HEPH: variants seen among roughly 807,000 people sequenced by gnomAD.
The protein encoded by HEPH is hephaestin.
HEPH carries 69 observed loss-of-function variants against 80.8 expected under a neutral mutation model. That is an observed-to-expected ratio of 0.85 (90% CI 0.70 to 1.04). The LOEUF is 1.04. Among genes scored for constraint, HEPH ranks in the 50% least tolerant of loss-of-function variants. The probability of loss-of-function intolerance (pLI) is 0.00; values close to 1 mark genes in which losing one functional copy is unlikely to be tolerated. For missense variants in HEPH, 1,115 were observed against 891.3 expected (o/e 1.25, Z -3.20); for synonymous variants, 431 against 322.8 (o/e 1.34, Z -3.60).
chrX:66,191,306 G>A (rs991682910), intron 6 of HEPH, among the ~76,000 whole-genome samples: 1 of 111,724 alleles, frequency 9.0e-6, no homozygotes, highest in Non-Finnish European at 1.9e-5. Context: ...GATAACATAT[G>A]TACTCCCTGG....
intron 15 of HEPH, among the ~76,000 whole-genome samples, chrX:66,252,047 G>A (rs1014004260): frequency 4.5e-5 from 5 of 111,712 alleles, no homozygotes; most frequent in East Asian, 2.8e-4. Context: ...AGATAATAGC[G>A]CAGACTATGG....
intron 15 of HEPH, among the ~76,000 whole-genome samples, chrX:66,254,350 A>G (rs2091102547): frequency 9.0e-6 from 1 of 111,393 alleles, no homozygotes; most frequent in Non-Finnish European, 1.9e-5. Flanking sequence ...GAAGAAGTAA[A>G]GATTAAAGTT....
At chrX:66,246,430 T>C (rs2090809545) in intron 15 of HEPH, among the ~76,000 whole-genome samples, 1 of 111,496 alleles carries the variant, frequency 9.0e-6, no homozygotes, top group Admixed American at 9.5e-5. Flanking sequence ...TAGAGCAATC[T>C]TACTCCTTCT....
chrX:66,229,041 T>A lies in HEPH; in HGVS notation c.2563+20795T>A, dbSNP rs182911286. Among the ~76,000 whole-genome samples, 226 of 112,097 alleles carry A rather than the reference T, an allele frequency of 2.0e-3. 1 individual carries two copies. Among genetic ancestry groups the A allele is most frequent in the African/African-American group, 7.1e-3 (218 of 30,911 alleles). ...ATTCCACTCCTGCGTATCTACCCAG[T>A]GAAAAGAAGTCATTATACGAAAAAA... is the stretch of plus-strand genomic sequence containing the variant. On this transcript the variant is annotated intron_variant, in intron 15 of 20. Transcript: ENST00000343002.
chrX:66,214,067 T>C (rs2089279587), intron 15 of HEPH, among the ~76,000 whole-genome samples: 1 of 112,190 alleles, frequency 8.9e-6, no homozygotes, highest in Admixed American at 9.4e-5. Context: ...TGCAACTGGG[T>C]AAACTGGATA....
intron 15 of HEPH, among the ~76,000 whole-genome samples, chrX:66,215,585 A>G (rs960441012): frequency 8.9e-6 from 1 of 112,178 alleles, no homozygotes; most frequent in Non-Finnish European, 1.9e-5. Flanking sequence ...GTAGAAGAAT[A>G]ATTTTAAAAC....
At chrX:66,230,237 C>T (rs1163211054) in intron 15 of HEPH, among the ~76,000 whole-genome samples, 10 of 91,200 alleles carry the variant, frequency 1.1e-4, no homozygotes, top group African/African-American at 3.6e-4. Flanking sequence ...AATAAACATA[C>T]GTGTGCATGT....
At chrX:66,236,817 G>C (rs1343775892) in intron 15 of HEPH, among the ~76,000 whole-genome samples, 2 of 111,207 alleles carry the variant, frequency 1.8e-5, no homozygotes, top group Admixed American at 9.6e-5. Context: ...GGCCTGTTCA[G>C]AAATTTAATT....
At chrX:66,203,794 C>T (rs1311435355) in intron 13 of HEPH, among the ~76,000 whole-genome samples, 3 of 111,193 alleles carry the variant, frequency 2.7e-5, no homozygotes, top group Non-Finnish European at 5.7e-5. Context: ...CACCTTCACC[C>T]TCTTAATCTT....
intron 15 of HEPH, among the ~76,000 whole-genome samples, chrX:66,242,432 C>A (rs751335153): frequency 9.0e-6 from 1 of 111,487 alleles, no homozygotes; most frequent in African/African-American, 3.3e-5. Flanking sequence ...AAACCTAGGA[C>A]ATATCATTAT....
chrX:66,241,941 C>A (rs1454845068), intron 15 of HEPH, among the ~76,000 whole-genome samples: 1 of 109,825 alleles, frequency 9.1e-6, no homozygotes. Context: ...CCATACCACC[C>A]AAAACAATTT....
At chrX:66,244,893 TG>T (rs200711061) in intron 15 of HEPH, among the ~76,000 whole-genome samples, 567 of 103,029 alleles carry the variant, frequency 5.5e-3, no homozygotes, top group Non-Finnish European at 8.7e-3. Context: ...TTCAGTAGAA[TG>T]TTTTTTTTTT....
intron 15 of HEPH, among the ~76,000 whole-genome samples, chrX:66,222,556 A>G (rs7066319): frequency 0.099 from 11,019 of 111,564 alleles, 1,290 homozygotes; most frequent in African/African-American, 0.34. Flanking sequence ...TGAATGTATG[A>G]TTTTGGGAAA....
chrX:66,163,730 A>T (rs2086255184), upstream of HEPH, among the ~76,000 whole-genome samples: 1 of 111,675 alleles, frequency 9.0e-6, no homozygotes, highest in Admixed American at 9.5e-5. Context: ...TAAGTGTGTG[A>T]CCTTGGACAA....
intron 15 of HEPH, among the ~76,000 whole-genome samples, chrX:66,210,503 T>C (rs1311264693): frequency 9.0e-6 from 1 of 111,216 alleles, no homozygotes; most frequent in Non-Finnish European, 1.9e-5. Flanking sequence ...GGCTAGAGTG[T>C]TGGATAAATC....
intron 15 of HEPH, among the ~76,000 whole-genome samples, chrX:66,252,755 A>T (rs779742488): frequency 1.8e-5 from 2 of 112,448 alleles, no homozygotes; most frequent in Non-Finnish European, 3.8e-5. Flanking sequence ...ATAAGGATAG[A>T]CAGATAGATC....
chrX:66,197,602 C>T, intron 9 of HEPH, 81 bp from the exon 10 acceptor site: 1 of 857,119 alleles, frequency 1.2e-6, no homozygotes, highest in South Asian at 2.2e-5. Context: ...CTTTGTAGTT[C>T]ATAATCTTTA....
At chrX:66,230,454 G>T (rs1401388639) in intron 15 of HEPH, among the ~76,000 whole-genome samples, 28 of 108,289 alleles carry the variant, frequency 2.6e-4, no homozygotes, top group African/African-American at 6.9e-4. Flanking sequence ...CCTGACTTTT[G>T]AATGATTGCC....
intron 15 of HEPH, among the ~76,000 whole-genome samples, chrX:66,242,057 A>G (rs182899193): frequency 4.6e-5 from 5 of 108,008 alleles, no homozygotes; most frequent in Middle Eastern, 4.7e-3. Context: ...TTGAGTAGGC[A>G]AGACAATCCT....
Sources: allele counts gnomAD v4.1 joint callset (sites outside exome capture counted in the v4.1 genomes callset), GRCh38; gene constraint gnomAD v4.1.1; transcripts MANE v1.5; gene names NCBI Gene and HGNC (gene_info 2026-07-23, HGNC 2026-07-21).